PDE11A: variants seen among roughly 807,000 people sequenced by gnomAD.
PDE11A encodes dual 3',5'-cyclic-AMP and -GMP phosphodiesterase 11A.
Under a neutral mutation model 100.5 loss-of-function variants are expected in PDE11A, and 100 were observed. The observed-to-expected ratio is 1.00, with a 90% CI of 0.85 to 1.18. The LOEUF is 1.18. Ranked by LOEUF, PDE11A falls within the 50% of genes most tolerant of loss-of-function variation. PDE11A has a pLI of 0.00. For synonymous variants in PDE11A, 381 were observed against 420.8 expected, an observed-to-expected ratio of 0.91 and a Z score of 1.16; for missense variants, 1,141 against 1,152.6, an observed-to-expected ratio of 0.99 and a Z score of 0.15.
chr2:177,877,726 T>C (rs1170230012), intron 4 of PDE11A, among the ~76,000 whole-genome samples: 2 of 152,196 alleles, frequency 1.3e-5, no homozygotes, highest in Non-Finnish European at 2.9e-5. Flanking sequence ...TAATTTCCTT[T>C]AGATCAACGT....
intron 2 of PDE11A, among the ~76,000 whole-genome samples, chr2:178,085,217 G>T (rs973184055): frequency 6.6e-6 from 1 of 152,090 alleles, no homozygotes; most frequent in African/African-American, 2.4e-5. Context: ...CAAAATATAT[G>T]GCCCTATATT....
chr2:177,628,218 G>A lies in PDE11A; in HGVS notation c.*1189C>T, dbSNP rs1311235711. 1 of 152,658 alleles carries A rather than the reference G, an allele frequency of 6.6e-6. No individual in the cohort carries two copies. The highest frequency in any genetic ancestry group is 1.5e-5 in the Non-Finnish European group (1 of 68,036). The allele number at this position is 152,658 out of a possible 1,614,324, so 9.5% of individuals were successfully genotyped here. A position where few individuals can be genotyped will look rare whatever the true frequency, so the allele number is the denominator to read the frequency against. ...TGTAGAAGTTAAGTGACTTGTTCAA[G>A]TCAATCCAGTCAATAATGCCAAAGC... On this transcript the variant is annotated 3_prime_UTR_variant, in exon 20 of 20. Transcript: ENST00000286063.
intron 2 of PDE11A, among the ~76,000 whole-genome samples, chr2:177,938,064 G>C (rs1319090119): frequency 6.6e-6 from 1 of 152,098 alleles, no homozygotes; most frequent in Non-Finnish European, 1.5e-5. Context: ...AAAAATTTTA[G>C]AGTGAAAAAG....
At chr2:178,047,904 C>T (rs1359057011) in intron 1 of PDE11A, among the ~76,000 whole-genome samples, 3 of 152,050 alleles carry the variant, frequency 2.0e-5, no homozygotes, top group Non-Finnish European at 4.4e-5. Flanking sequence ...GCAGGGAAGC[C>T]CAGATTTATG....
intron 13 of PDE11A, among the ~76,000 whole-genome samples, chr2:177,704,316 T>C (rs2081246098): frequency 1.3e-5 from 2 of 152,336 alleles, no homozygotes; most frequent in South Asian, 4.1e-4. Context: ...CCTCAGAGAA[T>C]GGAGCATGGT....
chr2:177,971,902 T>C (rs2573088), intron 2 of PDE11A, among the ~76,000 whole-genome samples: 85,529 of 151,902 alleles, frequency 0.56, 26,745 homozygotes, highest in African/African-American at 0.84. Context: ...CATAATGTGA[T>C]TACCCAGTAG....
chr2:177,640,615 G>A (rs187833777), intron 19 of PDE11A, among the ~76,000 whole-genome samples: 19 of 152,302 alleles, frequency 1.2e-4, no homozygotes, highest in African/African-American at 3.4e-4. Flanking sequence ...TCCCTCTTAG[G>A]TCCAAAGGTT....
chr2:177,808,777 A>G (rs990751050), intron 9 of PDE11A, among the ~76,000 whole-genome samples: 3 of 152,164 alleles, frequency 2.0e-5, no homozygotes, highest in Non-Finnish European at 4.4e-5. Context: ...TGTACAATTT[A>G]ATGAGCAAAG....
At chr2:177,656,723 A>G (rs1192691473) in intron 19 of PDE11A, among the ~76,000 whole-genome samples, 2 of 152,228 alleles carry the variant, frequency 1.3e-5, no homozygotes, top group Admixed American at 1.3e-4. Flanking sequence ...GTGTGTGGTT[A>G]TAAAGAGATG....
chr2:177,993,695 CCTAA>C (rs2086032655), intron 2 of PDE11A, among the ~76,000 whole-genome samples: 1 of 152,052 alleles, frequency 6.6e-6, no homozygotes, highest in Non-Finnish European at 1.5e-5. Context: ...CTCCCCTCTT[CCTAA>C]GTAGTAGGAA....
At chr2:177,716,223 G>A (rs2081434941) in intron 12 of PDE11A, among the ~76,000 whole-genome samples, 1 of 152,118 alleles carries the variant, frequency 6.6e-6, no homozygotes, top group Admixed American at 6.5e-5. Flanking sequence ...CAGAGGCAGG[G>A]GGAAAAGTAG....
Position 177,627,841 on chromosome 2 carries a change from C to G in PDE11A, c.*1566G>C, listed in dbSNP as rs1318384720. On this transcript the variant is annotated 3_prime_UTR_variant, in exon 20 of 20. Coordinates refer to ENST00000286063, the MANE Select transcript of PDE11A (RefSeq NM_016953.4). ...AGCCTGGGCAACAAGAGTGAAAACT[C>G]AGTCTCAAAAAACAAACAAACAAAG... is the stretch of plus-strand genomic sequence containing the variant. 1 of 152,204 alleles carries G rather than the reference C, an allele frequency of 6.6e-6. No homozygotes were observed. The highest frequency in any genetic ancestry group is 2.4e-5 in the African/African-American group (1 of 41,418). The allele number at this position is 152,204 out of a possible 1,614,324, so 9.4% of individuals were successfully genotyped here. A position where few individuals can be genotyped will look rare whatever the true frequency, so the allele number is the denominator to read the frequency against.
chr2:177,915,568 A>G (rs2084940848), intron 2 of PDE11A, among the ~76,000 whole-genome samples: 1 of 152,232 alleles, frequency 6.6e-6, no homozygotes, highest in Admixed American at 6.5e-5. Flanking sequence ...TTAACTGGAT[A>G]TACCCATGTT....
At chr2:177,716,726 C>T (rs1327021808) in intron 12 of PDE11A, among the ~76,000 whole-genome samples, 1 of 152,188 alleles carries the variant, frequency 6.6e-6, no homozygotes, top group Non-Finnish European at 1.5e-5. Context: ...TTTAGAGAGA[C>T]TTTGCCCATG....
rs776080979 is a variant in PDE11A at position 177,624,636 on chromosome 2, T to C, written c.*4771A>G. ...CAAATATACAATACCTGGAAATGCA[T>C]AGACATCTCAGATTTTAGAAACAAA... On this transcript the variant is annotated 3_prime_UTR_variant, in exon 20 of 20. Transcript: ENST00000286063. 2 of 152,236 alleles carry C rather than the reference T, an allele frequency of 1.3e-5. No homozygotes were observed. Among genetic ancestry groups the C allele is most frequent in the African/African-American group, 2.4e-5 (1 of 41,470 alleles). 9.4% of individuals were successfully genotyped at this position (152,236 alleles called of 1,614,324 possible).
intron 1 of PDE11A, among the ~76,000 whole-genome samples, chr2:178,030,564 CA>C (rs1188719025): frequency 1.3e-5 from 2 of 151,510 alleles, no homozygotes; most frequent in Non-Finnish European, 2.9e-5. Flanking sequence ...CTTTCAAAAT[CA>C]GACAAGAGTA....
At chr2:177,991,084 G>A (rs112405294) in intron 2 of PDE11A, among the ~76,000 whole-genome samples, 11,456 of 151,322 alleles carry the variant, frequency 0.076, 719 homozygotes, top group Middle Eastern at 0.16. Context: ...AGCACTTTGG[G>A]AGGCCAGCAT....
chr2:177,939,525 GAGGGAGGA>G (rs1354685043), intron 2 of PDE11A, among the ~76,000 whole-genome samples: 30 of 103,562 alleles, frequency 2.9e-4, no homozygotes, highest in East Asian at 9.6e-4. Flanking sequence ...GGAAGGGAGG[GAGGGAGGA>G]AGGAAGGAAG....
intron 12 of PDE11A, among the ~76,000 whole-genome samples, chr2:177,721,988 A>G (rs1574078813): frequency 6.6e-6 from 1 of 152,098 alleles, no homozygotes; most frequent in African/African-American, 2.4e-5. Flanking sequence ...GAAATCATAC[A>G]CCGTGGAAAA....
Sources: gnomAD v4.1 joint callset for allele counts (sites outside exome capture counted in the v4.1 genomes callset) on GRCh38, gnomAD v4.1.1 for gene constraint, MANE v1.5 for transcripts, NCBI Gene and HGNC (gene_info 2026-07-23, HGNC 2026-07-21) for gene names.